WDR41: variants seen among roughly 807,000 people sequenced by gnomAD.
The protein encoded by WDR41 is WD repeat domain 41, also known as WD repeat-containing protein 41.
In WDR41, 63 loss-of-function variants were observed where a neutral mutation model predicts 69.3. That is an observed-to-expected ratio of 0.91 (90% CI 0.74 to 1.12). The LOEUF is 1.12. Ranked by LOEUF, WDR41 falls within the 50% of genes most tolerant of loss-of-function variation. The pLI, the probability that WDR41 is intolerant of heterozygous loss-of-function variation, is 0.00. For missense variants in WDR41, 543 were observed against 534.5 expected (o/e 1.02, Z -0.16); for synonymous variants, 185 against 192.1 (o/e 0.96, Z 0.31).
At chr5:77,442,303 A>C (rs1799197502) in intron 8 of WDR41, among the ~76,000 whole-genome samples, 1 of 152,234 alleles carries the variant, frequency 6.6e-6, no homozygotes, top group Non-Finnish European at 1.5e-5. Context: ...ATTGAATAAG[A>C]CATCAACAAA....
chr5:77,582,673 G>A lies in WDR41; in HGVS notation c.42+37806C>T, dbSNP rs1743960931. On this transcript the variant is annotated intron_variant, in intron 1 of 5. Transcript: ENST00000509971. ...TGTCATCAGAATCAGAGGTATCAGTGCTGTGAGCCCAAAGGTCCGAAAGGT... is the reference window on the plus strand; with the variant it reads ...TGTCATCAGAATCAGAGGTATCAGTACTGTGAGCCCAAAGGTCCGAAAGGT... 6.2e-6 allele frequency: 10 copies of A among 1,600,712 alleles called. No homozygotes were observed. The East Asian group carries it at 1.6e-4, about 25-fold the overall frequency.
At chr5:77,544,882 C>T (rs572408783) in intron 1 of WDR41, among the ~76,000 whole-genome samples, 29 of 151,988 alleles carry the variant, frequency 1.9e-4, no homozygotes, top group South Asian at 1.2e-3. Context: ...TATTCAATAG[C>T]GCATGGAACT....
chr5:77,533,195 C>T (rs371786360), intron 1 of WDR41, among the ~76,000 whole-genome samples: 2 of 152,152 alleles, frequency 1.3e-5, no homozygotes, highest in East Asian at 1.9e-4. Context: ...TAAATATCTA[C>T]CCCAGAGAAA....
At chr5:77,620,233 T>C (rs1179101913) in intron 1 of WDR41, among the ~76,000 whole-genome samples, 2 of 152,164 alleles carry the variant, frequency 1.3e-5, no homozygotes, top group Non-Finnish European at 2.9e-5. Context: ...ACATCACCCT[T>C]ACTTGCCTCC....
At chr5:77,454,661 T>C (rs981807568) in intron 5 of WDR41, among the ~76,000 whole-genome samples, 7 of 152,196 alleles carry the variant, frequency 4.6e-5, no homozygotes, top group Non-Finnish European at 7.4e-5. Flanking sequence ...CCTCGCCCAC[T>C]GACTCTGAGT....
chr5:77,485,213 A>G (rs879409532), intron 2 of WDR41, among the ~76,000 whole-genome samples: 1 of 152,064 alleles, frequency 6.6e-6, no homozygotes, highest in Non-Finnish European at 1.5e-5. Context: ...TCTCCTTCCC[A>G]GGGAACCCAG....
intron 1 of WDR41, chr5:77,499,343 A>G (rs1263387255): frequency 6.6e-6 from 1 of 152,278 alleles, no homozygotes; most frequent in African/African-American, 2.4e-5. Context: ...GTTGTGGCTG[A>G]AACTGCAGGA....
intron 1 of WDR41, among the ~76,000 whole-genome samples, chr5:77,527,518 G>A (rs983696720): frequency 1.3e-5 from 2 of 151,834 alleles, no homozygotes; most frequent in African/African-American, 4.8e-5. Context: ...ACTAGAGGTA[G>A]AAACAGAGAA....
chr5:77,478,044 C>T (rs1451435385), intron 2 of WDR41, among the ~76,000 whole-genome samples: 1 of 152,152 alleles, frequency 6.6e-6, no homozygotes, highest in East Asian at 1.9e-4. Context: ...ATATTACAGA[C>T]ACCTCTACGC....
At chr5:77,499,125 T>C (rs1172958671) in intron 1 of WDR41, among the ~76,000 whole-genome samples, 2 of 152,188 alleles carry the variant, frequency 1.3e-5, no homozygotes, top group African/African-American at 4.8e-5. Flanking sequence ...TTCTCTCCAA[T>C]TGAACACAAC....
At chr5:77,449,703 G>T in intron 8 of WDR41, 57 bp downstream of exon 8, 1 of 1,135,958 alleles carries the variant, frequency 8.8e-7, no homozygotes, top group Non-Finnish European at 1.3e-6. Context: ...CGTGTTCAGA[G>T]CAGGTTGTGT....
chr5:77,544,732 G>A (rs1420851100), intron 1 of WDR41, among the ~76,000 whole-genome samples: 2 of 152,066 alleles, frequency 1.3e-5, no homozygotes. Context: ...GGAGACTTCA[G>A]TACTCCACTG....
intron 1 of WDR41, among the ~76,000 whole-genome samples, chr5:77,602,940 CTTTT>C (rs576335451): frequency 2.2e-5 from 3 of 137,138 alleles, no homozygotes; most frequent in Non-Finnish European, 3.2e-5. Flanking sequence ...ATTTTTTTGT[CTTTT>C]TTTTTTTTTT....
At chr5:77,449,734 A>G (rs769996427) in intron 8 of WDR41, 26 bp downstream of exon 8, 14 of 1,515,560 alleles carry the variant, frequency 9.2e-6, no homozygotes, top group Admixed American at 1.7e-5. Context: ...AAAACTGTAC[A>G]TAATAAATGT....
chr5:77,474,839 C>A (rs461704), intron 2 of WDR41, among the ~76,000 whole-genome samples: 4 of 152,126 alleles, frequency 2.6e-5, no homozygotes, highest in Non-Finnish European at 5.9e-5. Flanking sequence ...GGAACAGCTC[C>A]GGTCTACAGC....
intron 2 of WDR41, among the ~76,000 whole-genome samples, chr5:77,476,441 C>CA (rs1800935997): frequency 6.6e-6 from 1 of 152,072 alleles, no homozygotes; most frequent in South Asian, 2.1e-4. Context: ...GGGTTACCCT[C>CA]AAAGGGAAGC....
At chr5:77,568,986 T>C (rs994269565) in intron 1 of WDR41, among the ~76,000 whole-genome samples, 1 of 152,166 alleles carries the variant, frequency 6.6e-6, no homozygotes, top group African/African-American at 2.4e-5. Flanking sequence ...CAGGGACATC[T>C]CATCAGACGT....
At chr5:77,463,627 C>T (rs568623494) in intron 3 of WDR41, among the ~76,000 whole-genome samples, 1 of 152,172 alleles carries the variant, frequency 6.6e-6, no homozygotes, top group East Asian at 1.9e-4. Flanking sequence ...ATAAAAGTCA[C>T]CATAACAACT....
At chr5:77,556,554 C>T (rs756430314) in intron 1 of WDR41, among the ~76,000 whole-genome samples, 3 of 152,202 alleles carry the variant, frequency 2.0e-5, no homozygotes, top group East Asian at 1.9e-4. Context: ...ATTACAGGCA[C>T]GCGCCACCAC....
Sources: gnomAD v4.1 joint callset for allele counts (sites outside exome capture counted in the v4.1 genomes callset) on GRCh38, gnomAD v4.1.1 for gene constraint, MANE v1.5 for transcripts, NCBI Gene and HGNC (gene_info 2026-07-23, HGNC 2026-07-21) for gene names.